The following ARHGEF3 variants were observed in gnomAD, a reference collection of about 807,000 sequenced individuals.
ARHGEF3 encodes the protein Rho guanine nucleotide exchange factor 3, also known as 59.8 kDA protein.
ARHGEF3 carries 28 observed loss-of-function variants against 63.2 expected under a neutral mutation model. The ratio of observed to expected loss-of-function variants is 0.44; its 90% CI spans 0.33 to 0.61. The LOEUF (loss-of-function observed/expected upper bound fraction) is 0.61. Ranked by LOEUF, ARHGEF3 falls within the 20% of genes least tolerant of loss-of-function variation. The pLI is 0.03. For missense variants in ARHGEF3, 533 were observed against 659.3 expected, an observed-to-expected ratio of 0.81 and a Z score of 2.10; for synonymous variants, 266 against 254.2, an observed-to-expected ratio of 1.05 and a Z score of -0.44.
intron 4 of ARHGEF3, among the ~76,000 whole-genome samples, chr3:56,848,746 A>G (rs1361978189): frequency 6.6e-6 from 1 of 151,186 alleles, no homozygotes; most frequent in Admixed American, 6.6e-5. Flanking sequence ...GGCTCACTGC[A>G]GCCTCTGCTT....
chr3:56,957,601 G>A lies in ARHGEF3; in HGVS notation c.129+1222C>T, dbSNP rs115485544. 4.6e-3 allele frequency among the ~76,000 whole-genome samples: 703 copies of A among 152,296 alleles called. 6 individuals are homozygous for A. Among genetic ancestry groups the A allele is most frequent in the African/African-American group, 0.016 (656 of 41,566 alleles). On this transcript the variant is annotated intron_variant, in intron 3 of 12. Coordinates refer to the ARHGEF3 transcript ENST00000338458. ...CTGAGTCTTCCAATCTTAAATTTCA[G>A]TAAGGACTAAGCACAATAGTAAGAA... is the stretch of plus-strand genomic sequence containing the variant.
At chr3:56,860,219 C>A (rs1578698161) in intron 4 of ARHGEF3, among the ~76,000 whole-genome samples, 2 of 151,220 alleles carry the variant, frequency 1.3e-5, no homozygotes, top group East Asian at 1.9e-4. Flanking sequence ...ACTCTGTCAC[C>A]CAGGATGGAG....
chr3:56,836,991 G>A (rs2039134885), intron 4 of ARHGEF3, among the ~76,000 whole-genome samples: 2 of 152,122 alleles, frequency 1.3e-5, no homozygotes, highest in South Asian at 2.1e-4. Context: ...TCTGCATTAC[G>A]TAATCTTTAT....
intron 3 of ARHGEF3, among the ~76,000 whole-genome samples, chr3:56,904,047 T>C (rs1215179921): frequency 5.9e-5 from 9 of 151,874 alleles, no homozygotes; most frequent in African/African-American, 2.2e-4. Context: ...ATGTATTTTT[T>C]GAGACAGGGT....
At chr3:56,802,737 C>G (rs1163641415), upstream of ARHGEF3, among the ~76,000 whole-genome samples, 1 of 152,152 alleles carries the variant, frequency 6.6e-6, no homozygotes, top group Admixed American at 6.5e-5. Context: ...TTTCTGGATC[C>G]TTTTTGGAGA....
intron 1 of ARHGEF3, among the ~76,000 whole-genome samples, chr3:57,059,146 A>AT (rs765863855): frequency 2.0e-5 from 3 of 152,166 alleles, no homozygotes; most frequent in Non-Finnish European, 4.4e-5. Context: ...TATAATAATA[A>AT]TAAAAAAAAG....
chr3:57,071,613 T>G (rs1386448146), intron 1 of ARHGEF3, among the ~76,000 whole-genome samples: 1 of 148,408 alleles, frequency 6.7e-6, no homozygotes, highest in Non-Finnish European at 1.5e-5. Flanking sequence ...TGAGCCGAGA[T>G]CATGCCACTA....
chr3:56,836,197 G>A (rs1365893764), intron 4 of ARHGEF3, among the ~76,000 whole-genome samples: 1 of 152,038 alleles, frequency 6.6e-6, no homozygotes, highest in Non-Finnish European at 1.5e-5. Flanking sequence ...GTGTATTTTC[G>A]ATCAATAGTT....
intron 1 of ARHGEF3, among the ~76,000 whole-genome samples, chr3:57,040,718 TAATAAA>T (rs1315473669): frequency 6.6e-6 from 1 of 152,090 alleles, no homozygotes; most frequent in Non-Finnish European, 1.5e-5. Context: ...TAAGATGCTT[TAATAAA>T]TGGCTCTGCC....
chr3:56,920,084 A>G (rs1002238994), intron 3 of ARHGEF3, among the ~76,000 whole-genome samples: 1 of 152,246 alleles, frequency 6.6e-6, no homozygotes, highest in African/African-American at 2.4e-5. Flanking sequence ...ATACTCATCC[A>G]ACATAAATTC....
intron 2 of ARHGEF3, among the ~76,000 whole-genome samples, chr3:57,012,553 G>T (rs1028259914): frequency 2.0e-5 from 3 of 152,160 alleles, no homozygotes; most frequent in African/African-American, 7.2e-5. Context: ...GCCACTGCAC[G>T]TGGCCACTCT....
intron 2 of ARHGEF3, among the ~76,000 whole-genome samples, chr3:57,011,054 G>A (rs1037562647): frequency 6.6e-5 from 10 of 152,166 alleles, no homozygotes; most frequent in African/African-American, 1.9e-4. Flanking sequence ...AAATGCTCCC[G>A]CCCGCTTCCA....
chr3:56,752,035 T>G (rs1426952164), intron 4 of ARHGEF3, among the ~76,000 whole-genome samples: 1 of 152,192 alleles, frequency 6.6e-6, no homozygotes, highest in African/African-American at 2.4e-5. Context: ...ATATTTTAGT[T>G]TCTGATCTCA....
chr3:57,050,173 C>CGTGTT (rs762371045), intron 1 of ARHGEF3, among the ~76,000 whole-genome samples: 11 of 152,206 alleles, frequency 7.2e-5, no homozygotes, highest in African/African-American at 1.2e-4. Flanking sequence ...GCTGCTAACA[C>CGTGTT]GTTCTCCATT....
chr3:57,041,656 C>T (rs924138680), intron 1 of ARHGEF3, among the ~76,000 whole-genome samples: 5 of 152,224 alleles, frequency 3.3e-5, no homozygotes, highest in African/African-American at 1.2e-4. Context: ...GGGAAATTTA[C>T]AAAAGCTCCG....
intron 1 of ARHGEF3, among the ~76,000 whole-genome samples, chr3:56,793,373 G>T (rs367674323): frequency 6.6e-6 from 1 of 152,134 alleles, no homozygotes; most frequent in Non-Finnish European, 1.5e-5. Context: ...GTTTCACCGC[G>T]TTAGCCAGGA....
chr3:56,991,622 G>C (rs1458500496), intron 2 of ARHGEF3, among the ~76,000 whole-genome samples: 1 of 152,236 alleles, frequency 6.6e-6, no homozygotes, highest in African/African-American at 2.4e-5. Flanking sequence ...GTTTTGTTTT[G>C]TTTTGTTTTT....
chr3:57,021,376 C>T (rs926161223), intron 2 of ARHGEF3, among the ~76,000 whole-genome samples: 1 of 152,142 alleles, frequency 6.6e-6, no homozygotes, highest in Non-Finnish European at 1.5e-5. Context: ...TGAAAGCCTG[C>T]ATCACATCTC....
intron 2 of ARHGEF3, among the ~76,000 whole-genome samples, chr3:57,006,717 G>A (rs925923578): frequency 6.6e-6 from 1 of 152,094 alleles, no homozygotes; most frequent in South Asian, 2.1e-4. Context: ...ACAGTCACTC[G>A]TTCAATGTGC....
Sources: gnomAD v4.1 joint callset for allele counts (sites outside exome capture counted in the v4.1 genomes callset) on GRCh38, gnomAD v4.1.1 for gene constraint, MANE v1.5 for transcripts, NCBI Gene and HGNC (gene_info 2026-07-23, HGNC 2026-07-21) for gene names.